Variants in CHD9 observed in about 807,000 individuals in gnomAD.
The protein encoded by CHD9 is chromodomain helicase DNA binding protein 9, also known as ATP-dependent chromatin remodeler CHD9.
A neutral mutation model predicts 316.1 loss-of-function variants in CHD9; 77 were observed. The ratio of observed to expected loss-of-function variants is 0.24; its 90% CI spans 0.20 to 0.29. The LOEUF is 0.29. CHD9 is among the 10% of genes least tolerant of loss of function. CHD9 has a pLI of 1.00. For synonymous variants in CHD9, 1,129 were observed against 1,158.3 expected (o/e 0.97, Z 0.51); for missense variants, 2,763 against 3,438.1 (o/e 0.80, Z 4.91).
At chr16:53,179,658 A>T (rs2043343827) in intron 2 of CHD9, among the ~76,000 whole-genome samples, 1 of 152,172 alleles carries the variant, frequency 6.6e-6, no homozygotes, top group South Asian at 2.1e-4. Flanking sequence ...GCACTTTGGG[A>T]GGCCAAGGCA....
intron 32 of CHD9, 52 bp downstream of exon 32, chr16:53,306,449 A>G (rs1298135103): frequency 1.4e-6 from 2 of 1,386,474 alleles, no homozygotes; most frequent in African/African-American, 3.0e-5. Context: ...ATTTTTCTAT[A>G]TTGCTTCAAT....
At chr16:53,191,518 T>C (rs2044478272) in intron 2 of CHD9, among the ~76,000 whole-genome samples, 1 of 152,158 alleles carries the variant, frequency 6.6e-6, no homozygotes, top group South Asian at 2.1e-4. Flanking sequence ...ATGTAAACGT[T>C]ATCATACAGT....
chr16:53,097,318 T>A lies in CHD9; in HGVS notation c.-165+42241T>A, dbSNP rs61597597. Among the ~76,000 whole-genome samples, 4 of 152,174 alleles carry A rather than the reference T, an allele frequency of 2.6e-5. No individual in the cohort carries two copies. In the East Asian group the frequency reaches 7.7e-4, roughly 29 times the overall value. On this transcript the variant is annotated intron_variant, in intron 1 of 38. Coordinates refer to ENST00000447540, the MANE Select transcript of CHD9 (RefSeq NM_001308319.2). ...CTCACAGATTATTCTGAAATGCCAA[T>A]TCCTCCTTTATCAACAATTCCTCTA...
intron 1 of CHD9, among the ~76,000 whole-genome samples, chr16:53,075,905 C>T (rs1429333008): frequency 1.3e-5 from 2 of 152,216 alleles, no homozygotes; most frequent in Admixed American, 6.5e-5. Context: ...TCCCATTTCT[C>T]CACGTCCTCA....
chr16:53,080,209 A>G (rs1203373216), intron 1 of CHD9, among the ~76,000 whole-genome samples: 1 of 152,254 alleles, frequency 6.6e-6, no homozygotes, highest in Non-Finnish European at 1.5e-5. Context: ...TTCTGTGGGC[A>G]GAAACAGATC....
At chr16:53,231,846 T>C in intron 10 of CHD9, 62 bp downstream of exon 10, 2 of 1,341,990 alleles carry the variant, frequency 1.5e-6, no homozygotes, top group Non-Finnish European at 2.0e-6. Context: ...AGTTATGATA[T>C]TGCTAATAAT....
intron 2 of CHD9, among the ~76,000 whole-genome samples, chr16:53,180,652 A>G (rs62048031): frequency 0.28 from 42,335 of 151,904 alleles, 5,999 homozygotes; most frequent in Middle Eastern, 0.32. Flanking sequence ...ATTGAAACAG[A>G]CATCTCTTTT....
chr16:53,230,172 G>C (rs913362079), intron 8 of CHD9, among the ~76,000 whole-genome samples: 1 of 152,158 alleles, frequency 6.6e-6, no homozygotes, highest in Non-Finnish European at 1.5e-5. Flanking sequence ...GAACACCATA[G>C]AAGTGATGCT....
At chr16:53,058,310 G>A (rs921841892) in intron 1 of CHD9, among the ~76,000 whole-genome samples, 3 of 152,010 alleles carry the variant, frequency 2.0e-5, no homozygotes, top group Non-Finnish European at 2.9e-5. Flanking sequence ...TAGTAGAGAC[G>A]AGGTTTCACC....
intron 1 of CHD9, among the ~76,000 whole-genome samples, chr16:53,065,408 A>C (rs2033400238): frequency 6.6e-6 from 1 of 152,092 alleles, no homozygotes. Flanking sequence ...CAAAGGCAGA[A>C]GGATTGCTTG....
At chr16:53,108,056 C>G (rs756526852) in intron 1 of CHD9, among the ~76,000 whole-genome samples, 1 of 152,018 alleles carries the variant, frequency 6.6e-6, no homozygotes, top group African/African-American at 2.4e-5. Flanking sequence ...AAAGTTGGAG[C>G]CTTTCAAATA....
chr16:53,231,404 A>G lies in CHD9; in HGVS notation c.2287-15A>G. 1 of 1,442,990 alleles carries G rather than the reference A, an allele frequency of 6.9e-7. No individual in the cohort carries two copies. Among genetic ancestry groups the G allele is most frequent in the Non-Finnish European group, 9.7e-7 (1 of 1,034,938 alleles). 89.4% of individuals were successfully genotyped at this position (1,442,990 alleles called of 1,614,324 possible). Reference sequence around the variant, plus strand: ...TTCTTTGTCAGATGTCAATTAAGTTACCTTTTAATTTTAGATGGAAGAAGA... The same window carrying G: ...TTCTTTGTCAGATGTCAATTAAGTTGCCTTTTAATTTTAGATGGAAGAAGA... On this transcript the variant is annotated splice_polypyrimidine_tract_variant and intron_variant, in intron 8 of 38. Coordinates refer to ENST00000447540, the MANE Select transcript of CHD9 (RefSeq NM_001308319.2).
chr16:53,322,069 C>T (rs530945899), intron 38 of CHD9, among the ~76,000 whole-genome samples: 1 of 150,092 alleles, frequency 6.7e-6, no homozygotes, highest in East Asian at 2.0e-4. Flanking sequence ...GCAACCTTGG[C>T]TCACTGCAAC....
At chr16:53,063,331 G>A (rs912271236) in intron 1 of CHD9, among the ~76,000 whole-genome samples, 3 of 145,786 alleles carry the variant, frequency 2.1e-5, no homozygotes, top group Non-Finnish European at 4.5e-5. Context: ...GCTCTAAATT[G>A]CAGAATTATG....
intron 1 of CHD9, among the ~76,000 whole-genome samples, chr16:53,083,355 T>C (rs1362736744): frequency 6.6e-6 from 1 of 152,190 alleles, no homozygotes; most frequent in Non-Finnish European, 1.5e-5. Context: ...CTCCTTCCAC[T>C]CATCTTTCTC....
chr16:53,081,748 T>C (rs951882851), intron 1 of CHD9, among the ~76,000 whole-genome samples: 2 of 136,924 alleles, frequency 1.5e-5, no homozygotes, highest in Non-Finnish European at 3.1e-5. Context: ...CCACCATGCT[T>C]GGCTAATTAA....
intron 1 of CHD9, among the ~76,000 whole-genome samples, chr16:53,090,931 T>TGCAGGGATAAGTCTG (rs6145838): frequency 6.6e-6 from 1 of 151,464 alleles, no homozygotes; most frequent in East Asian, 2.0e-4. Context: ...CTGCCCACCA[T>TGCAGGGATAAGTCTG]GCTCTCACAC....
chr16:53,060,076 G>A (rs2032674950), intron 1 of CHD9, among the ~76,000 whole-genome samples: 1 of 152,188 alleles, frequency 6.6e-6, no homozygotes, highest in South Asian at 2.1e-4. Flanking sequence ...AGGCATGGTG[G>A]CTCATATCTG....
chr16:53,111,319 A>G (rs1470403699), intron 1 of CHD9, among the ~76,000 whole-genome samples: 2 of 152,122 alleles, frequency 1.3e-5, no homozygotes, highest in Non-Finnish European at 2.9e-5. Context: ...AGGGCAGCTG[A>G]GCCTTTGTTC....
Sources: gnomAD v4.1 joint callset for allele counts (sites outside exome capture counted in the v4.1 genomes callset) on GRCh38, gnomAD v4.1.1 for gene constraint, MANE v1.5 for transcripts, NCBI Gene and HGNC (gene_info 2026-07-23, HGNC 2026-07-21) for gene names.